The following SEPTIN6 variants were observed in gnomAD, a reference collection of about 807,000 sequenced individuals.
The protein encoded by SEPTIN6 is septin-6.
Under a neutral mutation model 33.6 loss-of-function variants are expected in SEPTIN6, and 8 were observed. The ratio of observed to expected loss-of-function variants is 0.24; its 90% CI spans 0.14 to 0.43. SEPTIN6 has a LOEUF of 0.43. Among genes scored for constraint, SEPTIN6 ranks in the 20% least tolerant of loss-of-function variants. The pLI is 1.00. For missense variants in SEPTIN6, 250 were observed against 340.8 expected (o/e 0.73, Z 2.10); for synonymous variants, 131 against 140.0 (o/e 0.94, Z 0.45).
intron 1 of SEPTIN6, among the ~76,000 whole-genome samples, chrX:119,683,163 G>A (rs1373715852): frequency 8.9e-6 from 1 of 112,737 alleles, no homozygotes; most frequent in Non-Finnish European, 1.9e-5. Context: ...TGAGGCAGGA[G>A]AATCGCTTGA....
intron 6 of SEPTIN6, among the ~76,000 whole-genome samples, chrX:119,637,490 G>A (rs2054081443): frequency 9.0e-6 from 1 of 111,653 alleles, no homozygotes; most frequent in Non-Finnish European, 1.9e-5. Context: ...TGCACCACTT[G>A]TAGGACAACA....
intron 5 of SEPTIN6, among the ~76,000 whole-genome samples, chrX:119,644,438 T>C (rs1316395760): frequency 8.9e-6 from 1 of 111,814 alleles, no homozygotes; most frequent in Non-Finnish European, 1.9e-5. Flanking sequence ...CTCATAGTTC[T>C]GGAGGCTGGG....
intron 7 of SEPTIN6, 73 bp downstream of exon 7, chrX:119,636,954 G>A (rs753871158): frequency 1.7e-5 from 19 of 1,121,538 alleles, no homozygotes; most frequent in Middle Eastern, 2.5e-4. Context: ...ATTCTCCAGG[G>A]GAAGGCTTCC....
At chrX:119,649,111 ATT>A (rs200217501) in intron 5 of SEPTIN6, among the ~76,000 whole-genome samples, 41 of 75,691 alleles carry the variant, frequency 5.4e-4, no homozygotes, top group South Asian at 1.3e-3. Context: ...CATAACGCTG[ATT>A]TTTTTTTTTT....
Position 119,663,582 on chromosome X carries a change from G to A in SEPTIN6, c.241C>T (p.Leu81Phe), listed in dbSNP as rs1256571248. ...TGGAGGTCATAGGTATTAGACTGGA[G>A]CTGGACACCCGGCTGTGTGTGGGTG... ...PATHTQPGVQ[L>F]QSNTYDLQES... The change falls in exon 3 of 11, where the codon CTC (leucine) becomes TTC (phenylalanine). Residue 81 changes from leucine to phenylalanine, a missense_variant. By Grantham distance (22) the Leu-to-Phe change is conservative. This residue lies in a region of SEPTIN6 where 111 missense variants were observed against 113.8 expected (regional missense o/e 0.98). Transcript: ENST00000394610. 8.3e-7 allele frequency: 1 copy of A among 1,207,781 alleles called. No individual in the cohort carries two copies. The highest frequency in any genetic ancestry group is 1.1e-6 in the Non-Finnish European group (1 of 894,199).
At chrX:119,672,126 G>A (rs1230016490) in intron 2 of SEPTIN6, among the ~76,000 whole-genome samples, 1 of 111,850 alleles carries the variant, frequency 8.9e-6, no homozygotes, top group Non-Finnish European at 1.9e-5. Flanking sequence ...TAACCCAGTC[G>A]GGGCTGGCCT....
intron 2 of SEPTIN6, among the ~76,000 whole-genome samples, chrX:119,666,744 GC>G (rs1345566486): frequency 4.5e-5 from 5 of 111,615 alleles, no homozygotes; most frequent in Non-Finnish European, 9.4e-5. Context: ...TGAAGAAGAG[GC>G]CCCCTTTTTC....
At chrX:119,661,625 T>G (rs1239190666) in intron 3 of SEPTIN6, among the ~76,000 whole-genome samples, 3 of 111,681 alleles carry the variant, frequency 2.7e-5, no homozygotes, top group Non-Finnish European at 5.6e-5. Flanking sequence ...TGAGCACATG[T>G]GATAACCATG....
At chrX:119,673,140 G>A (rs1225118738) in intron 2 of SEPTIN6, among the ~76,000 whole-genome samples, 2 of 111,700 alleles carry the variant, frequency 1.8e-5, no homozygotes, top group Non-Finnish European at 3.8e-5. Flanking sequence ...GTAGGCTGAG[G>A]CAAGTGGATC....
intron 9 of SEPTIN6, 167 bp from the exon 10 acceptor site, chrX:119,625,546 T>C: frequency 1.8e-5 from 3 of 164,157 alleles, no homozygotes; most frequent in Admixed American, 8.5e-5. Context: ...CTGATACTCT[T>C]TTTTTTTTTT....
chrX:119,663,401 C>A (rs1423952552), intron 3 of SEPTIN6, 81 bp downstream of exon 3: 6 of 878,585 alleles, frequency 6.8e-6, no homozygotes, highest in Non-Finnish European at 9.7e-6. Flanking sequence ...TCTGTGCTGT[C>A]TTCAAGATCT....
At chrX:119,683,130 G>A (rs1203502442) in intron 1 of SEPTIN6, among the ~76,000 whole-genome samples, 2 of 112,454 alleles carry the variant, frequency 1.8e-5, no homozygotes, top group Non-Finnish European at 3.8e-5. Flanking sequence ...GCTCATGCCT[G>A]TAGTCCCAGC....
rs971038573 is a variant in SEPTIN6, at chrX:119,619,066, G to A, written c.*1027C>T. On this transcript the variant is annotated 3_prime_UTR_variant, in exon 11 of 11. Transcript: ENST00000394610. ...GGCCGAGTCTCATCTCTTCTTATTG[G>A]GGGATGCATGCAAAATGCATGTTAA... 2.2e-6 allele frequency: 2 copies of A among 922,046 alleles called. No homozygotes were observed. The highest frequency in any genetic ancestry group is 4.1e-5 in the African/African-American group (2 of 48,674). 76.0% of individuals were successfully genotyped at this position (922,046 alleles called of 1,213,427 possible). A position where few individuals can be genotyped will look rare whatever the true frequency, so the allele number is the denominator to read the frequency against.
chrX:119,646,092 G>T (rs1373762932), intron 5 of SEPTIN6, among the ~76,000 whole-genome samples: 1 of 111,457 alleles, frequency 9.0e-6, no homozygotes, highest in Non-Finnish European at 1.9e-5. Flanking sequence ...ATTCTGATTG[G>T]GCTTGGTTTC....
intron 10 of SEPTIN6, among the ~76,000 whole-genome samples, chrX:119,620,443 C>T (rs1468980632): frequency 9.3e-6 from 1 of 107,072 alleles, no homozygotes; most frequent in Non-Finnish European, 1.9e-5. Context: ...CTCAGCCTCC[C>T]CAGCAGCTGG....
In SEPTIN6 at chrX:119,619,278, T is replaced by G; in HGVS notation, c.*815A>C. The G allele has an allele frequency of 1.2e-6, 1 of 815,568 alleles. No individual in the cohort carries two copies. The highest frequency in any genetic ancestry group is 2.1e-5 in the African/African-American group (1 of 46,675). 67.2% of individuals were successfully genotyped at this position (815,568 alleles called of 1,213,427 possible). On this transcript the variant is annotated 3_prime_UTR_variant, in exon 11 of 11. Transcript: ENST00000394610. ...TTACCCCCCGAGATGCTGAAATACC[T>G]CACAAGAAGAATTCGGTAAGGCTAT...
At chrX:119,622,041 A>AAAC (rs1484459355) in intron 10 of SEPTIN6, among the ~76,000 whole-genome samples, 1 of 79,570 alleles carries the variant, frequency 1.3e-5, no homozygotes, top group South Asian at 5.8e-4. Context: ...AACAAAAACA[A>AAAC]AACAACAACA....
chrX:119,664,248 C>T (rs1200306380), intron 2 of SEPTIN6, among the ~76,000 whole-genome samples: 1 of 111,620 alleles, frequency 9.0e-6, no homozygotes, highest in Non-Finnish European at 1.9e-5. Context: ...TCCCAAAGTG[C>T]TGGGATTATA....
At chrX:119,635,077 A>C (rs1176266439) in intron 7 of SEPTIN6, 5 of 338,700 alleles carry the variant, frequency 1.5e-5, no homozygotes, top group African/African-American at 5.3e-5. Context: ...AAGGGCTGGG[A>C]GGGAATGGAG....
Sources: gnomAD v4.1 joint callset for allele counts (sites outside exome capture counted in the v4.1 genomes callset) on GRCh38, gnomAD v4.1.1 for gene constraint, gnomAD v4.1.1 regional missense constraint, MANE v1.5 for transcripts, NCBI Gene and HGNC (gene_info 2026-07-23, HGNC 2026-07-21) for gene names.